PRKN: variants seen among roughly 807,000 people sequenced by gnomAD.
PRKN encodes the protein E3 ubiquitin-protein ligase parkin.
In PRKN, 56 loss-of-function variants were observed where a neutral mutation model predicts 59.5. The observed-to-expected ratio is 0.94, with a 90% confidence interval of 0.76 to 1.18. The LOEUF is 1.18. Among genes scored for constraint, PRKN ranks in the 50% most tolerant of loss-of-function variants. PRKN has a pLI of 0.00. For missense variants in PRKN, 657 were observed against 596.4 expected (o/e 1.10, Z -1.06); for synonymous variants, 250 against 222.1 (o/e 1.13, Z -1.12).
At chr6:161,936,635 G>A (rs888192033) in intron 6 of PRKN, among the ~76,000 whole-genome samples, 1 of 152,072 alleles carries the variant, frequency 6.6e-6, no homozygotes, top group African/African-American at 2.4e-5. Flanking sequence ...AACATGCCCA[G>A]GAAAGCTCCA....
intron 6 of PRKN, among the ~76,000 whole-genome samples, chr6:161,962,456 A>G (rs1197220625): frequency 6.6e-6 from 1 of 152,180 alleles, no homozygotes; most frequent in Non-Finnish European, 1.5e-5. Context: ...TATTTCTTTC[A>G]GATGAAAATG....
chr6:161,955,512 GA>G (rs910424140), intron 6 of PRKN, among the ~76,000 whole-genome samples: 2 of 151,968 alleles, frequency 1.3e-5, no homozygotes, highest in South Asian at 2.1e-4. Flanking sequence ...GTTTTCATAG[GA>G]AAAAAAATTT....
At chr6:162,476,363 C>T (rs946256798) in intron 1 of PRKN, among the ~76,000 whole-genome samples, 25 of 152,254 alleles carry the variant, frequency 1.6e-4, no homozygotes, top group East Asian at 3.9e-4. Context: ...TGAGCCACCG[C>T]GCCCAGCCCA....
intron 1 of PRKN, among the ~76,000 whole-genome samples, chr6:162,529,890 G>A (rs1249228479): frequency 1.3e-5 from 2 of 152,186 alleles, no homozygotes; most frequent in African/African-American, 4.8e-5. Flanking sequence ...AGCACTTTGG[G>A]AGGCCGAGGC....
At chr6:161,633,903 C>T (rs930185528) in intron 7 of PRKN, among the ~76,000 whole-genome samples, 29 of 151,800 alleles carry the variant, frequency 1.9e-4, no homozygotes, top group South Asian at 4.2e-4. Flanking sequence ...TCCTGTCAGA[C>T]GAATTAAAAT....
At position 162,401,902 on chromosome 6, in the gene PRKN, C is replaced by T. The variant is rs114461497; in HGVS notation, c.171+41408G>A. 5.1e-3 allele frequency among the ~76,000 whole-genome samples: 779 copies of T among 152,184 alleles called. 12 individuals are homozygous for T. The highest frequency in any genetic ancestry group is 0.018 in the African/African-American group (745 of 41,522). ...CAGAAGCAAACAGTTATTTTGGACT[C>T]GATAACTTTTTAACCAGCTTTAAGC... is the stretch of plus-strand genomic sequence containing the variant. On this transcript the variant is annotated intron_variant, in intron 2 of 11. Transcript: ENST00000366898.
intron 1 of PRKN, among the ~76,000 whole-genome samples, chr6:162,650,523 G>A (rs1256321091): frequency 6.7e-6 from 1 of 149,056 alleles, no homozygotes; most frequent in African/African-American, 2.5e-5. Flanking sequence ...GCGTGACCCC[G>A]GGAGGCGGAG....
intron 6 of PRKN, among the ~76,000 whole-genome samples, chr6:161,927,302 C>T (rs547004696): frequency 9.2e-5 from 14 of 152,078 alleles, no homozygotes; most frequent in African/African-American, 3.1e-4. Flanking sequence ...TAATCAAAAC[C>T]GTGAATACAT....
At chr6:162,671,551 C>T (rs1019733006) in intron 1 of PRKN, among the ~76,000 whole-genome samples, 3 of 150,210 alleles carry the variant, frequency 2.0e-5, no homozygotes, top group African/African-American at 7.3e-5. Flanking sequence ...AAGCCATCAT[C>T]CCTCAGGGCT....
Position 161,349,991 on chromosome 6 carries a change from T to A in PRKN, c.*108A>T. On this transcript the variant is annotated 3_prime_UTR_variant, in exon 12 of 12. Coordinates refer to ENST00000366898, the MANE Select transcript of PRKN (RefSeq NM_004562.3). The surrounding 1 kb of genome is among the most constrained non-coding windows in gnomAD (Gnocchi z 5.5). Reference sequence around the variant, plus strand: ...TTGAAAAAAACTTGAAGAGTGTGTGTGCGCGCGCGCGCGTGTGTGTGTGTG... The same window carrying A: ...TTGAAAAAAACTTGAAGAGTGTGTGAGCGCGCGCGCGCGTGTGTGTGTGTG... 4 of 775,428 alleles carry A rather than the reference T, an allele frequency of 5.2e-6. No individual in the cohort carries two copies. In the South Asian group the frequency reaches 5.8e-5, roughly 11 times the overall value. The allele number at this position is 775,428 out of a possible 1,614,324, so 48.0% of individuals were successfully genotyped here.
chr6:162,301,511 G>A (rs1781950819), intron 2 of PRKN, among the ~76,000 whole-genome samples: 1 of 152,076 alleles, frequency 6.6e-6, no homozygotes, highest in Non-Finnish European at 1.5e-5. Context: ...CAGATTGCAA[G>A]TCCAAAATCA....
At chr6:162,658,543 C>T (rs772024432) in intron 1 of PRKN, among the ~76,000 whole-genome samples, 12 of 151,586 alleles carry the variant, frequency 7.9e-5, no homozygotes, top group Non-Finnish European at 1.5e-4. Flanking sequence ...TGACTGTAAT[C>T]CCAGCTACTA....
At chr6:161,599,716 A>G (rs891192295) in intron 7 of PRKN, among the ~76,000 whole-genome samples, 18 of 152,184 alleles carry the variant, frequency 1.2e-4, no homozygotes, top group African/African-American at 3.6e-4. Context: ...TGTGTTTGGC[A>G]GTGCTGGGAT....
At chr6:161,837,722 G>A (rs973359440) in intron 6 of PRKN, among the ~76,000 whole-genome samples, 6 of 152,152 alleles carry the variant, frequency 3.9e-5, no homozygotes, top group Admixed American at 2.6e-4. Context: ...TTAACAAAAT[G>A]CTTGGAAAAG....
chr6:162,628,657 G>A (rs764901161), intron 1 of PRKN, among the ~76,000 whole-genome samples: 9 of 151,662 alleles, frequency 5.9e-5, no homozygotes, highest in Non-Finnish European at 1.3e-4. Context: ...TGGCAGATAA[G>A]ACAAGAAAAA....
In PRKN at chr6:161,785,786, G is replaced by A. The variant is rs768102678; in HGVS notation, c.857C>T (p.Ser286Phe). 1.2e-6 allele frequency: 2 copies of A among 1,613,932 alleles called. No homozygotes were observed. Among genetic ancestry groups the A allele is most frequent in the African/African-American group, 2.7e-5 (2 of 74,932 alleles). The stretch of plus-strand genomic sequence containing the variant: ...GCTAGACTTACCCACACAAGGCAGG[G>A]AGTAGCCAAGTTGAGGGTCGTGAAC... The part of the protein sequence containing the change: ...QFVHDPQLGY[S>F]LPCVAGCPNS... The change falls in exon 7 of 12, where the codon TCC becomes TTC. Residue 286 changes from serine (S) to phenylalanine (F), a missense_variant. Physicochemically the swap from Ser to Phe is radical, Grantham distance 155. Transcript: ENST00000366898.
At chr6:161,851,943 C>T (rs140774993) in intron 6 of PRKN, among the ~76,000 whole-genome samples, 3,816 of 150,290 alleles carry the variant, frequency 0.025, 81 homozygotes, top group Non-Finnish European at 0.038. Context: ...AAAAATTAGC[C>T]GGGCGTGGTA....
intron 1 of PRKN, among the ~76,000 whole-genome samples, chr6:162,446,453 A>G (rs1416923470): frequency 6.6e-6 from 1 of 152,168 alleles, no homozygotes; most frequent in East Asian, 1.9e-4. Flanking sequence ...TTGTAAAGGG[A>G]AACTGCAAAA....
intron 2 of PRKN, among the ~76,000 whole-genome samples, chr6:162,321,514 C>G (rs540304872): frequency 6.6e-6 from 1 of 151,784 alleles, no homozygotes; most frequent in African/African-American, 2.4e-5. Flanking sequence ...GGCAATACTT[C>G]CAATTTATTT....
Sources: allele counts gnomAD v4.1 joint callset (sites outside exome capture counted in the v4.1 genomes callset), GRCh38; gene constraint gnomAD v4.1.1; non-coding constraint Gnocchi (gnomAD v3.1); transcripts MANE v1.5; gene names NCBI Gene and HGNC (gene_info 2026-07-23, HGNC 2026-07-21).